The following PTBP2 variants were observed in gnomAD, a reference collection of about 807,000 sequenced individuals.
PTBP2 encodes the protein polypyrimidine tract binding protein 2, also known as polypyrimidine tract-binding protein 2.
Under a neutral mutation model 61.4 loss-of-function variants are expected in PTBP2, and 13 were observed. The ratio of observed to expected loss-of-function variants is 0.21; its 90% CI spans 0.14 to 0.34. The LOEUF is 0.34. Among genes scored for constraint, PTBP2 ranks in the 10% least tolerant of loss-of-function variants. The pLI is 1.00. For synonymous variants in PTBP2, 215 were observed against 218.5 expected (o/e 0.98, Z 0.14); for missense variants, 405 against 642.6 (o/e 0.63, Z 4.00).
Position 96,770,827 on chromosome 1 carries a change from A to G in PTBP2, c.408A>G (p.Leu136=), listed in dbSNP as rs201680217. The G allele has an allele frequency of 1.5e-4, 234 of 1,582,032 alleles. No homozygotes were observed. Among genetic ancestry groups the G allele is most frequent in the Non-Finnish European group, 1.8e-4 (210 of 1,151,100 alleles). The change falls in exon 5 of 14, where the codon CTA becomes CTG. Residue 136 remains leucine, a synonymous_variant. Transcript: ENST00000674951. ...IYIQYSNHKE[L]KTDNTLNQRA... ...TCCAGTACTCGAATCACAAAGAACTAAAGACAGATAATACATTAAACCAAG... is the reference window on the plus strand; with the variant it reads ...TCCAGTACTCGAATCACAAAGAACTGAAGACAGATAATACATTAAACCAAG...
intron 2 of PTBP2, among the ~76,000 whole-genome samples, chr1:96,747,056 C>T (rs1439763342): frequency 4.6e-5 from 7 of 151,506 alleles, no homozygotes; most frequent in African/African-American, 1.7e-4. Context: ...AGCTCAGTAC[C>T]CAACAGTTAG....
At chr1:96,818,313 C>T (rs1662556654), downstream of PTBP2, 1 of 152,002 alleles carries the variant, frequency 6.6e-6, no homozygotes, top group Non-Finnish European at 1.5e-5. Context: ...GAATATTTAA[C>T]AAACCCTTGT....
At chr1:96,754,835 A>C (rs1317960887) in intron 3 of PTBP2, among the ~76,000 whole-genome samples, 1 of 152,156 alleles carries the variant, frequency 6.6e-6, no homozygotes, top group African/African-American at 2.4e-5. Flanking sequence ...TCTGTATCTC[A>C]CACTGCATAT....
At chr1:96,768,562 C>A (rs1451986066) in intron 3 of PTBP2, among the ~76,000 whole-genome samples, 1 of 151,878 alleles carries the variant, frequency 6.6e-6, no homozygotes, top group African/African-American at 2.4e-5. Context: ...AGACTAAGAA[C>A]CATTGATCTG....
Position 96,813,661 on chromosome 1 carries a change from CTT to C in PTBP2, c.*276_*277del, listed in dbSNP as rs66475516. The C allele has an allele frequency of 1.0e-3, 125 of 122,222 alleles. No homozygotes were observed. The highest frequency in any genetic ancestry group is 1.2e-3 in the Non-Finnish European group (81 of 66,526). 7.6% of individuals were successfully genotyped at this position (122,222 alleles called of 1,614,324 possible). A position where few individuals can be genotyped will look rare whatever the true frequency, so the allele number is the denominator to read the frequency against. The stretch of plus-strand genomic sequence containing the variant: ...TGTTTAAAATTTCAGTTTAATTTTG[CTT>C]TTTTTTTTTTTTTTTTTTTCCTTTC... On this transcript the variant is annotated 3_prime_UTR_variant, in exon 14 of 14. Transcript: ENST00000674951.
intron 5 of PTBP2, among the ~76,000 whole-genome samples, chr1:96,776,364 TC>T (rs1249008019): frequency 7.0e-6 from 1 of 143,810 alleles, no homozygotes; most frequent in African/African-American, 2.7e-5. Flanking sequence ...ACTAAAATAA[TC>T]TATCACATTT....
At chr1:96,733,779 A>G (rs191712276) in intron 2 of PTBP2, among the ~76,000 whole-genome samples, 3 of 152,160 alleles carry the variant, frequency 2.0e-5, no homozygotes, top group African/African-American at 7.2e-5. Context: ...CTTATACAGA[A>G]TTTTCTTCTC....
intron 1 of PTBP2, 129 bp downstream of exon 1, chr1:96,722,001 G>T (rs1209767033): frequency 2.5e-5 from 30 of 1,190,510 alleles, no homozygotes; most frequent in Non-Finnish European, 3.6e-5. Flanking sequence ...CCCAACCCCC[G>T]CCCCATCGCA....
intron 2 of PTBP2, among the ~76,000 whole-genome samples, chr1:96,729,807 G>A (rs1651146648): frequency 6.7e-6 from 1 of 149,822 alleles, no homozygotes; most frequent in Admixed American, 6.7e-5. Context: ...CACCATCTCG[G>A]CTCAATGCAA....
At chr1:96,748,079 C>T (rs1352373079) in intron 2 of PTBP2, among the ~76,000 whole-genome samples, 1 of 152,040 alleles carries the variant, frequency 6.6e-6, no homozygotes, top group African/African-American at 2.4e-5. Context: ...GGGTACGTAC[C>T]TTTCTTCCTC....
Position 96,723,702 on chromosome 1 carries a change from A to G in PTBP2, c.39+108A>G, listed in dbSNP as rs1271809599. On this transcript the variant is annotated intron_variant, in intron 2 of 13. Coordinates refer to ENST00000674951, the MANE Select transcript of PTBP2 (RefSeq NM_021190.4). The stretch of plus-strand genomic sequence containing the variant: ...ACTATAACGTAGCTAACAAAACCCA[A>G]GTGTAAAATGTTTCCTTTCATTTGT... 5 of 952,626 alleles carry G rather than the reference A, an allele frequency of 5.2e-6. No homozygotes were observed. In the South Asian group the frequency reaches 5.8e-5, roughly 11 times the overall value. The allele number at this position is 952,626 out of a possible 1,614,324, so 59.0% of individuals were successfully genotyped here. A position where few individuals can be genotyped will look rare whatever the true frequency, so the allele number is the denominator to read the frequency against.
intron 7 of PTBP2, 80 bp from the exon 8 acceptor site, chr1:96,784,974 TGTTGA>T: frequency 2.7e-6 from 3 of 1,114,448 alleles, no homozygotes; most frequent in South Asian, 3.3e-5. Flanking sequence ...GAGTTTTTGT[TGTTGA>T]GTTTTATTAC....
In PTBP2 at chr1:96,738,852, G is replaced by A. The variant is rs370988917; in HGVS notation, c.40-12573G>A. The stretch of plus-strand genomic sequence containing the variant: ...TGCTTTGTTTCGTATTCTTTTCCTA[G>A]TATTTTATGTCTAGTAACTCATAAG... On this transcript the variant is annotated intron_variant, in intron 2 of 13. Transcript: ENST00000674951. Among the ~76,000 whole-genome samples the A allele has an allele frequency of 1.2e-4, 19 of 152,238 alleles. No individual in the cohort carries two copies. The South Asian group carries it at 3.5e-3, about 28-fold the overall frequency.
intron 1 of PTBP2, among the ~76,000 whole-genome samples, 167 bp from the exon 2 acceptor site, chr1:96,723,397 A>G (rs1649911266): frequency 6.6e-6 from 1 of 152,210 alleles, no homozygotes; most frequent in African/African-American, 2.4e-5. Flanking sequence ...CCAGGTTGGT[A>G]ACAGTACAGG....
At chr1:96,819,528 T>G (rs1662606009), downstream of PTBP2, 1 of 152,026 alleles carries the variant, frequency 6.6e-6, no homozygotes, top group African/African-American at 2.4e-5. Context: ...TCTTTGCAAC[T>G]AAATGATTTA....
chr1:96,746,918 CCTTCCTT>C (rs1557703474), intron 2 of PTBP2, among the ~76,000 whole-genome samples: 41 of 38,488 alleles, frequency 1.1e-3, no homozygotes, highest in African/African-American at 4.3e-3. Context: ...TCCCTCCCTT[CCTTCCTT>C]CCTTCCTTCC....
At chr1:96,745,293 G>T (rs1354529325) in intron 2 of PTBP2, among the ~76,000 whole-genome samples, 1 of 151,970 alleles carries the variant, frequency 6.6e-6, no homozygotes, top group Non-Finnish European at 1.5e-5. Context: ...CTCCCGAGTA[G>T]CTGGGACTTC....
intron 2 of PTBP2, among the ~76,000 whole-genome samples, chr1:96,746,234 A>G (rs1384297249): frequency 1.3e-5 from 2 of 152,090 alleles, no homozygotes; most frequent in Non-Finnish European, 2.9e-5. Flanking sequence ...ACTTTATGAG[A>G]CAGTACTAGA....
At chr1:96,762,565 C>T (rs1236785798) in intron 3 of PTBP2, among the ~76,000 whole-genome samples, 13 of 146,206 alleles carry the variant, frequency 8.9e-5, no homozygotes, top group South Asian at 2.2e-4. Flanking sequence ...ACCTCCTTCC[C>T]GGACGGGGCG....
Sources: gnomAD v4.1 joint callset for allele counts (sites outside exome capture counted in the v4.1 genomes callset) on GRCh38, gnomAD v4.1.1 for gene constraint, MANE v1.5 for transcripts, NCBI Gene and HGNC (gene_info 2026-07-23, HGNC 2026-07-21) for gene names.